Variants in STXBP5L observed in about 807,000 individuals in gnomAD.
STXBP5L encodes syntaxin-binding protein 5-like.
A neutral mutation model predicts 144.5 loss-of-function variants in STXBP5L; 65 were observed. That is an observed-to-expected ratio of 0.45 (90% CI 0.37 to 0.55). STXBP5L has a LOEUF of 0.55. STXBP5L is among the 20% of genes least tolerant of loss of function. STXBP5L has a pLI of 0.00. For missense variants in STXBP5L, 1,298 were observed against 1,405.5 expected (o/e 0.92, Z 1.22); for synonymous variants, 505 against 469.6 (o/e 1.08, Z -0.97).
chr3:121,163,160 T>G (rs1002776394), intron 9 of STXBP5L, among the ~76,000 whole-genome samples: 6 of 152,146 alleles, frequency 3.9e-5, no homozygotes, highest in African/African-American at 1.4e-4. Flanking sequence ...AGCAAAGACT[T>G]GGAACCAACC....
intron 20 of STXBP5L, among the ~76,000 whole-genome samples, chr3:121,361,367 T>C (rs2045706805): frequency 1.3e-5 from 2 of 152,186 alleles, no homozygotes; most frequent in Admixed American, 1.3e-4. Flanking sequence ...ATTATTCCTT[T>C]GAATAAAACT....
At chr3:121,398,325 A>G (rs1409266918) in intron 22 of STXBP5L, among the ~76,000 whole-genome samples, 1 of 152,248 alleles carries the variant, frequency 6.6e-6, no homozygotes, top group Non-Finnish European at 1.5e-5. Context: ...TTCCCCAGGC[A>G]GAAGGCTCAC....
intron 19 of STXBP5L, among the ~76,000 whole-genome samples, chr3:121,284,614 G>A (rs1415300356): frequency 6.6e-6 from 1 of 152,064 alleles, no homozygotes; most frequent in Non-Finnish European, 1.5e-5. Flanking sequence ...TGTAAATGAT[G>A]ATGTCAGTAG....
chr3:120,970,334 G>C (rs774397089), intron 3 of STXBP5L, among the ~76,000 whole-genome samples: 16 of 151,930 alleles, frequency 1.1e-4, no homozygotes, highest in Admixed American at 2.0e-4. Context: ...ATTTATTTTA[G>C]ATTGAATAGC....
intron 9 of STXBP5L, among the ~76,000 whole-genome samples, chr3:121,177,847 C>T (rs2046994431): frequency 6.6e-6 from 1 of 152,160 alleles, no homozygotes; most frequent in East Asian, 1.9e-4. Context: ...ACACGTTATT[C>T]ATAAGAGCCA....
At chr3:120,999,101 G>A (rs950517247) in intron 3 of STXBP5L, among the ~76,000 whole-genome samples, 3 of 152,122 alleles carry the variant, frequency 2.0e-5, no homozygotes, top group African/African-American at 7.2e-5. Context: ...CACCCAGGCT[G>A]GAGTGCAGTG....
At chr3:121,116,057 T>C (rs538265482) in intron 6 of STXBP5L, among the ~76,000 whole-genome samples, 61 of 152,264 alleles carry the variant, frequency 4.0e-4, no homozygotes, top group African/African-American at 1.4e-3. Flanking sequence ...ACATGAGCTT[T>C]GGGCAGGGAC....
chr3:121,264,709 G>T (rs1171526869), intron 18 of STXBP5L, among the ~76,000 whole-genome samples: 1 of 151,668 alleles, frequency 6.6e-6, no homozygotes, highest in Non-Finnish European at 1.5e-5. Context: ...AAGACCCATT[G>T]GTGTGCTATA....
At chr3:120,923,071 T>C (rs1709434592) in intron 2 of STXBP5L, among the ~76,000 whole-genome samples, 1 of 152,040 alleles carries the variant, frequency 6.6e-6, no homozygotes, top group Admixed American at 6.6e-5. Flanking sequence ...TGGTTCAATC[T>C]TGGTAGGTTG....
intron 10 of STXBP5L, among the ~76,000 whole-genome samples, chr3:121,211,739 C>T (rs1013315305): frequency 6.6e-6 from 1 of 151,922 alleles, no homozygotes; most frequent in Non-Finnish European, 1.5e-5. Context: ...CCACCATTCC[C>T]AGCTAATTTT....
chr3:121,253,011 G>A (rs1325658242), intron 15 of STXBP5L, among the ~76,000 whole-genome samples: 1 of 152,060 alleles, frequency 6.6e-6, no homozygotes, highest in Non-Finnish European at 1.5e-5. Flanking sequence ...TTTTAAGGGG[G>A]CCATCTGATT....
At chr3:121,242,241 G>T (rs2049695005) in intron 14 of STXBP5L, among the ~76,000 whole-genome samples, 2 of 152,086 alleles carry the variant, frequency 1.3e-5, no homozygotes, top group South Asian at 2.1e-4. Flanking sequence ...AATACAATAG[G>T]CTTTCCATCT....
At chr3:121,013,534 G>A (rs1209462002) in intron 3 of STXBP5L, among the ~76,000 whole-genome samples, 2 of 150,884 alleles carry the variant, frequency 1.3e-5, no homozygotes, top group Admixed American at 6.6e-5. Context: ...CACTTTCAAC[G>A]GAGTTATTTG....
At chr3:120,917,037 G>T (rs1343900133) in intron 2 of STXBP5L, among the ~76,000 whole-genome samples, 1 of 152,192 alleles carries the variant, frequency 6.6e-6, no homozygotes, top group Admixed American at 6.5e-5. Flanking sequence ...AACTAGAAAA[G>T]GAGACAGAGA....
intron 22 of STXBP5L, among the ~76,000 whole-genome samples, chr3:121,394,290 G>A (rs4398369): frequency 6.6e-6 from 1 of 151,994 alleles, no homozygotes; most frequent in Admixed American, 6.6e-5. Context: ...ACTTTGCTGA[G>A]GTCATTTATC....
intron 7 of STXBP5L, among the ~76,000 whole-genome samples, chr3:121,123,734 T>G (rs559251392): frequency 1.3e-5 from 2 of 151,790 alleles, no homozygotes; most frequent in African/African-American, 4.8e-5. Context: ...GCAAAATAAA[T>G]GAATATTGGC....
chr3:121,007,022 T>C (rs990742056), intron 3 of STXBP5L, among the ~76,000 whole-genome samples: 1 of 152,152 alleles, frequency 6.6e-6, no homozygotes, highest in Non-Finnish European at 1.5e-5. Flanking sequence ...CTGACAATTA[T>C]GTGTCTTGGA....
At chr3:120,988,451 T>A (rs1441703459) in intron 3 of STXBP5L, among the ~76,000 whole-genome samples, 1 of 152,150 alleles carries the variant, frequency 6.6e-6, no homozygotes, top group East Asian at 1.9e-4. Context: ...TTCCATTGTG[T>A]TAAGAAAAAA....
intron 2 of STXBP5L, among the ~76,000 whole-genome samples, chr3:120,923,008 C>T (rs543374553): frequency 1.3e-5 from 2 of 151,998 alleles, no homozygotes; most frequent in East Asian, 3.9e-4. Flanking sequence ...CTTTTTATTA[C>T]TGCTTCAATC....
Sources: gnomAD v4.1 joint callset for allele counts (sites outside exome capture counted in the v4.1 genomes callset) on GRCh38, gnomAD v4.1.1 for gene constraint, MANE v1.5 for transcripts, NCBI Gene and HGNC (gene_info 2026-07-23, HGNC 2026-07-21) for gene names.